OR1F1: variants seen among roughly 807,000 people sequenced by gnomAD.
The protein encoded by OR1F1 is olfactory receptor family 1 subfamily F member 1.
For missense variants in OR1F1, 493 were observed against 376.3 expected, an observed-to-expected ratio of 1.31 and a Z score of -2.57; for synonymous variants, 184 against 156.7, an observed-to-expected ratio of 1.17 and a Z score of -1.30.
At chr16:3,204,482 C>G (rs1241339663) in exon 1 of OR1F1, 2 of 1,614,142 alleles carry the variant, frequency 1.2e-6, no homozygotes, top group Admixed American at 3.3e-5. Flanking sequence ...ACCACCGTCC[C>G]CAAGATGCTG....
At chr16:3,205,281 A>T, downstream of OR1F1, 1 of 840,968 alleles carries the variant, frequency 1.2e-6, no homozygotes. Context: ...TGTTCTTGCT[A>T]GTGACACACT....
chr16:3,206,150 C>A (rs1958206590), downstream of OR1F1, among the ~76,000 whole-genome samples: 1 of 152,158 alleles, frequency 6.6e-6, no homozygotes, highest in East Asian at 1.9e-4. Flanking sequence ...CTGTCTTATG[C>A]AGTTGAGATA....
chr16:3,199,990 C>T (rs1180735451), upstream of OR1F1, among the ~76,000 whole-genome samples: 1 of 150,622 alleles, frequency 6.6e-6, no homozygotes, highest in African/African-American at 2.5e-5. Context: ...CACTGCACCC[C>T]AGGCAACAAG....
the OR1F1 span, chr16:3,188,617 C>T: frequency 6.6e-6 from 1 of 152,218 alleles, no homozygotes; most frequent in African/African-American, 2.4e-5. Flanking sequence ...TCAGTCGGCC[C>T]TGGCGGGGTG....
At chr16:3,195,952 C>T in the OR1F1 span, among the ~76,000 whole-genome samples, 1 of 152,324 alleles carries the variant, frequency 6.6e-6, no homozygotes, top group South Asian at 2.1e-4. Context: ...GGTCACTGAG[C>T]CCCTGCCTGG....
chr16:3,190,888 G>A, the OR1F1 span, among the ~76,000 whole-genome samples: 1 of 152,080 alleles, frequency 6.6e-6, no homozygotes, highest in African/African-American at 2.4e-5. Context: ...CTTAGGAAAG[G>A]CAATAAAGAA....
the OR1F1 span, among the ~76,000 whole-genome samples, chr16:3,190,947 C>T: frequency 6.6e-6 from 1 of 152,104 alleles, no homozygotes; most frequent in Non-Finnish European, 1.5e-5. Flanking sequence ...TTTGAACCTT[C>T]TAGATTGAAA....
At chr16:3,205,217 G>T, downstream of OR1F1, 1 of 1,516,690 alleles carries the variant, frequency 6.6e-7, no homozygotes. Flanking sequence ...TCATTCCCAA[G>T]GAAATTTATT....
upstream of OR1F1, among the ~76,000 whole-genome samples, chr16:3,202,614 C>G (rs771249393): frequency 6.6e-6 from 1 of 150,666 alleles, no homozygotes; most frequent in East Asian, 1.9e-4. Context: ...TGGTAGTGCA[C>G]GCCTGTAGTA....
upstream of OR1F1, among the ~76,000 whole-genome samples, chr16:3,200,322 GA>G (rs532328677): frequency 8.5e-5 from 13 of 152,064 alleles, no homozygotes; most frequent in South Asian, 1.9e-3. Flanking sequence ...TTAAAATGAG[GA>G]AAAAGGCTGG....
At chr16:3,190,089 C>T in the OR1F1 span, among the ~76,000 whole-genome samples, 2 of 152,144 alleles carry the variant, frequency 1.3e-5, no homozygotes, top group Non-Finnish European at 2.9e-5. Context: ...CTCCCACCCA[C>T]TATCCCCGGT....
chr16:3,192,413 C>A, the OR1F1 span, among the ~76,000 whole-genome samples: 1 of 152,202 alleles, frequency 6.6e-6, no homozygotes, highest in Non-Finnish European at 1.5e-5. Context: ...CTCAACCCCT[C>A]GGTCCTGGAT....
the OR1F1 span, among the ~76,000 whole-genome samples, chr16:3,195,956 T>C: frequency 6.6e-6 from 1 of 152,200 alleles, no homozygotes; most frequent in Non-Finnish European, 1.5e-5. Context: ...ACTGAGCCCC[T>C]GCCTGGGGCT....
chr16:3,204,124 A>G (rs1222590839), upstream of OR1F1: 4 of 690,244 alleles, frequency 5.8e-6, no homozygotes, highest in Non-Finnish European at 9.7e-6. Context: ...GGTTGACAAT[A>G]TTATCATTTA....
At chr16:3,198,959 A>G in the OR1F1 span, among the ~76,000 whole-genome samples, 1 of 151,422 alleles carries the variant, frequency 6.6e-6, no homozygotes, top group Non-Finnish European at 1.5e-5. Flanking sequence ...CTTGTCACAA[A>G]AAACGAAAAC....
the OR1F1 span, among the ~76,000 whole-genome samples, chr16:3,199,216 T>A: frequency 6.9e-6 from 1 of 144,196 alleles, no homozygotes; most frequent in African/African-American, 2.5e-5. Flanking sequence ...GACAGGAGAA[T>A]CACCTGAGCC....
At position 3,204,285 on chromosome 16, in the gene OR1F1, C is replaced by A. The variant is rs201584157; in HGVS notation, c.39C>A (p.Leu13=). ...ACCAGTCGAGTGTCTCCGAGTTCCT[C>A]CTCCTGGGACTCTCCAGGCAGCCCC... The change falls in exon 1 of 1, where the codon CTC becomes CTA. Residue 13 remains leucine, a synonymous_variant. Coordinates refer to ENST00000304646, the Ensembl canonical transcript of OR1F1. The A allele has an allele frequency of 1.2e-3, 1,892 of 1,612,814 alleles. 48 individuals carry two copies. The South Asian group carries it at 0.02, about 17-fold the overall frequency.
chr16:3,195,906 C>T, the OR1F1 span, among the ~76,000 whole-genome samples: 2 of 152,294 alleles, frequency 1.3e-5, no homozygotes, highest in Admixed American at 6.5e-5. Flanking sequence ...GGGATGTACC[C>T]TCCCACCTGG....
chr16:3,196,431 T>A, the OR1F1 span, among the ~76,000 whole-genome samples: 1 of 152,180 alleles, frequency 6.6e-6, no homozygotes, highest in Non-Finnish European at 1.5e-5. Context: ...TTGCCCAGGC[T>A]GGAGGGCAGT....
Sources: gnomAD v4.1 joint callset for allele counts (sites outside exome capture counted in the v4.1 genomes callset) on GRCh38, gnomAD v4.1.1 for gene constraint, MANE v1.5 for transcripts, NCBI Gene and HGNC (gene_info 2026-07-23, HGNC 2026-07-21) for gene names.